TMCC1: variants seen among roughly 807,000 people sequenced by gnomAD.
The protein encoded by TMCC1 is transmembrane and coiled-coil domains protein 1.
In TMCC1, 15 loss-of-function variants were observed where a neutral mutation model predicts 52.4. The ratio of observed to expected loss-of-function variants is 0.29; its 90% CI spans 0.19 to 0.44. The LOEUF is 0.44. Ranked by LOEUF, TMCC1 falls within the 20% of genes least tolerant of loss-of-function variation. The pLI is 1.00. For synonymous variants in TMCC1, 279 were observed against 301.9 expected (o/e 0.92, Z 0.79); for missense variants, 503 against 806.0 (o/e 0.62, Z 4.55).
chr3:129,710,840 A>G (rs34703744), intron 4 of TMCC1, among the ~76,000 whole-genome samples: 50,566 of 152,086 alleles, frequency 0.33, 10,967 homozygotes, highest in Non-Finnish European at 0.48. Flanking sequence ...AAATTTCAAG[A>G]AATCTATATT....
rs150009135 is a variant in TMCC1, at chr3:129,797,042, T to A, written c.576+30761A>T. On this transcript the variant is annotated intron_variant, in intron 4 of 6. Coordinates refer to ENST00000393238, the MANE Select transcript of TMCC1 (RefSeq NM_001017395.5). Reference sequence around the variant, plus strand: ...AATTTTACCTAAAAAATAACACACATAGGCCAGGCGCGGTGGCTCACGCCT... The same window carrying A: ...AATTTTACCTAAAAAATAACACACAAAGGCCAGGCGCGGTGGCTCACGCCT... Among the ~76,000 whole-genome samples, 341 of 152,020 alleles carry A rather than the reference T, an allele frequency of 2.2e-3. 1 individual carries two copies. In the Middle Eastern group the frequency reaches 0.034, roughly 15 times the overall value.
intron 4 of TMCC1, among the ~76,000 whole-genome samples, chr3:129,767,515 G>A (rs2107693494): frequency 6.6e-6 from 1 of 152,170 alleles, no homozygotes; most frequent in Non-Finnish European, 1.5e-5. Context: ...TAGGACTACA[G>A]GTGCACATCA....
intron 4 of TMCC1, among the ~76,000 whole-genome samples, chr3:129,761,990 C>CAAAAAAAA (rs1179793010): frequency 1.3e-5 from 1 of 76,046 alleles, no homozygotes; most frequent in Admixed American, 2.2e-4. Context: ...GACTCTGTCT[C>CAAAAAAAA]AAAAAAAAAA....
At position 129,721,815 on chromosome 3, in the gene TMCC1, G is replaced by T. The variant is rs576037605; in HGVS notation, c.577-50551C>A. On this transcript the variant is annotated intron_variant, in intron 4 of 6. Transcript: ENST00000393238. ...CGCGTGAACCCAGGAGGCAGAGCTT[G>T]CAGTGAGCCGAGATGGCGCCACTGC... Among the ~76,000 whole-genome samples the T allele has an allele frequency of 5.9e-5, 9 of 152,078 alleles. No homozygotes were observed. In the South Asian group the frequency reaches 1.2e-3, roughly 21 times the overall value.
intron 5 of TMCC1, among the ~76,000 whole-genome samples, chr3:129,667,213 T>C (rs2087535788): frequency 7.8e-6 from 1 of 128,032 alleles, no homozygotes; most frequent in African/African-American, 3.1e-5. Context: ...AGCAAGACCC[T>C]GACTCTTAAA....
At chr3:129,699,535 T>C (rs915814745) in intron 4 of TMCC1, among the ~76,000 whole-genome samples, 7 of 152,210 alleles carry the variant, frequency 4.6e-5, no homozygotes, top group Non-Finnish European at 8.8e-5. Flanking sequence ...CTTAGTTGAA[T>C]AGCTCAAGCC....
intron 1 of TMCC1, among the ~76,000 whole-genome samples, chr3:129,881,860 A>G (rs2061475887): frequency 6.6e-6 from 1 of 152,206 alleles, no homozygotes; most frequent in Admixed American, 6.5e-5. Flanking sequence ...AGCATCAGTA[A>G]GGTATGGGAC....
chr3:129,766,153 C>T (rs186855435), intron 4 of TMCC1, among the ~76,000 whole-genome samples: 6 of 152,316 alleles, frequency 3.9e-5, no homozygotes, highest in Non-Finnish European at 5.9e-5. Flanking sequence ...ATAATCCCTT[C>T]GTCTTTCCTA....
chr3:129,809,194 C>T (rs12489707), intron 4 of TMCC1, among the ~76,000 whole-genome samples: 21,047 of 140,452 alleles, frequency 0.15, 2,328 homozygotes, highest in East Asian at 0.61. Context: ...TTGCAGTGAG[C>T]TGAGATCGCG....
At chr3:129,768,584 T>C (rs1435811786) in intron 4 of TMCC1, among the ~76,000 whole-genome samples, 6 of 152,174 alleles carry the variant, frequency 3.9e-5, no homozygotes, top group African/African-American at 1.2e-4. Flanking sequence ...TGAATACAGT[T>C]TGAGCACTAA....
intron 2 of TMCC1, among the ~76,000 whole-genome samples, chr3:129,876,687 G>C (rs1213713481): frequency 6.6e-6 from 1 of 152,100 alleles, no homozygotes; most frequent in East Asian, 1.9e-4. Context: ...GGGCGCGGTG[G>C]CTCACGCCTG....
chr3:129,719,136 G>A (rs1038722455), intron 4 of TMCC1, among the ~76,000 whole-genome samples: 1 of 152,168 alleles, frequency 6.6e-6, no homozygotes, highest in Non-Finnish European at 1.5e-5. Context: ...CATAATTAGA[G>A]AATTGGCATT....
intron 4 of TMCC1, among the ~76,000 whole-genome samples, chr3:129,773,873 T>G (rs766993598): frequency 6.6e-6 from 1 of 152,032 alleles, no homozygotes; most frequent in Non-Finnish European, 1.5e-5. Context: ...AGCTCAGGAG[T>G]TGGAGGTGGC....
chr3:129,658,925 G>A (rs369118938), intron 5 of TMCC1, among the ~76,000 whole-genome samples: 7 of 152,014 alleles, frequency 4.6e-5, no homozygotes, highest in Admixed American at 2.0e-4. Context: ...AACTATCTTA[G>A]AAAATGAGAC....
intron 2 of TMCC1, among the ~76,000 whole-genome samples, chr3:129,840,842 C>G (rs953036639): frequency 6.6e-6 from 1 of 152,142 alleles, no homozygotes; most frequent in Non-Finnish European, 1.5e-5. Flanking sequence ...ACTACCCAGT[C>G]TCAGGTAGTT....
chr3:129,691,608 C>T (rs2047033614), intron 4 of TMCC1, among the ~76,000 whole-genome samples: 2 of 152,102 alleles, frequency 1.3e-5, no homozygotes, highest in South Asian at 4.1e-4. Context: ...TAACAAGACC[C>T]TGTCTCTACA....
intron 4 of TMCC1, among the ~76,000 whole-genome samples, chr3:129,727,594 T>TC: frequency 6.6e-6 from 1 of 152,236 alleles, no homozygotes. Context: ...AATTATTCCT[T>TC]CTTAGATAAT....
At chr3:129,816,696 TA>T in intron 4 of TMCC1, among the ~76,000 whole-genome samples, 2 of 152,084 alleles carry the variant, frequency 1.3e-5, no homozygotes, top group Non-Finnish European at 2.9e-5. Flanking sequence ...GTAGGGTGAT[TA>T]TAGAAGATAA....
chr3:129,689,704 A>T (rs1444616849), intron 4 of TMCC1, among the ~76,000 whole-genome samples: 1 of 152,192 alleles, frequency 6.6e-6, no homozygotes, highest in Non-Finnish European at 1.5e-5. Context: ...CTTAAACCAT[A>T]CAAAGCCCTC....
Sources: gnomAD v4.1 joint callset for allele counts (sites outside exome capture counted in the v4.1 genomes callset) on GRCh38, gnomAD v4.1.1 for gene constraint, MANE v1.5 for transcripts, NCBI Gene and HGNC (gene_info 2026-07-23, HGNC 2026-07-21) for gene names.